Variants in SHLD1 observed in about 807,000 individuals in gnomAD.
The protein encoded by SHLD1 is RINN1-REV7-interacting novel NHEJ regulator 3.
A neutral mutation model predicts 5.5 loss-of-function variants in SHLD1; 3 were observed. The ratio of observed to expected loss-of-function variants is 0.54; its 90% CI spans 0.25 to 1.40. The LOEUF (loss-of-function observed/expected upper bound fraction) is 1.40, where lower values mean the gene tolerates loss of function less well. Among genes scored for constraint, SHLD1 ranks in the 40% most tolerant of loss-of-function variants. The pLI, the probability that SHLD1 is intolerant of heterozygous loss-of-function variation, is 0.15. For synonymous variants in SHLD1, 92 were observed against 94.3 expected (o/e 0.98, Z 0.14); for missense variants, 210 against 244.4 (o/e 0.86, Z 0.94).
intron 1 of SHLD1, 80 bp downstream of exon 1, chr20:5,750,559 A>G (rs1232941740): frequency 6.6e-6 from 1 of 151,042 alleles, no homozygotes; most frequent in African/African-American, 2.4e-5. Context: ...TTCTCTCTCA[A>G]TTAGGAAGTT....
At chr20:5,848,604 A>C (rs1485496870) in intron 2 of SHLD1, among the ~76,000 whole-genome samples, 2 of 152,242 alleles carry the variant, frequency 1.3e-5, no homozygotes, top group Non-Finnish European at 2.9e-5. Flanking sequence ...TGAAGCAAAT[A>C]GGACAATGTG....
chr20:5,813,420 G>A (rs960373965), intron 2 of SHLD1, among the ~76,000 whole-genome samples: 5 of 152,188 alleles, frequency 3.3e-5, no homozygotes, highest in African/African-American at 1.2e-4. Context: ...AACCCAGGAG[G>A]TGGAGGTGCA....
chr20:5,765,769 CTTTTTTTTTTTTT>C (rs756234026), intron 1 of SHLD1, among the ~76,000 whole-genome samples: 4 of 62,074 alleles, frequency 6.4e-5, no homozygotes, highest in Admixed American at 2.8e-4. Context: ...CGCACAAATC[CTTTTTTTTTTTTT>C]TTTTTTTTTT....
chr20:5,820,071 C>T (rs1403635243), intron 2 of SHLD1, among the ~76,000 whole-genome samples: 1 of 152,210 alleles, frequency 6.6e-6, no homozygotes, highest in East Asian at 1.9e-4. Flanking sequence ...CCTCAGCCTC[C>T]CCAGTAGCTG....
chr20:5,804,329 A>C (rs2087342444), intron 2 of SHLD1, among the ~76,000 whole-genome samples: 1 of 134,224 alleles, frequency 7.5e-6, no homozygotes, highest in Non-Finnish European at 1.6e-5. Flanking sequence ...ACTGTAAGAC[A>C]TTTGTATATC....
chr20:5,775,124 G>A (rs1985365093), intron 2 of SHLD1, among the ~76,000 whole-genome samples: 1 of 152,056 alleles, frequency 6.6e-6, no homozygotes, highest in African/African-American at 2.4e-5. Flanking sequence ...CTGCAGCCTT[G>A]AACTCCTGAG....
intron 2 of SHLD1, among the ~76,000 whole-genome samples, chr20:5,778,761 C>T (rs1309255042): frequency 1.3e-5 from 2 of 152,168 alleles, no homozygotes; most frequent in African/African-American, 4.8e-5. Flanking sequence ...TAGTAGATCA[C>T]CCTAAGCAGA....
intron 2 of SHLD1, among the ~76,000 whole-genome samples, chr20:5,850,347 T>C (rs1408027096): frequency 6.6e-6 from 1 of 151,746 alleles, no homozygotes; most frequent in African/African-American, 2.4e-5. Flanking sequence ...TCTTCCTCTC[T>C]TGTAAGGATT....
intron 1 of SHLD1, among the ~76,000 whole-genome samples, chr20:5,769,985 C>G (rs190251004): frequency 5.9e-4 from 56 of 95,396 alleles, no homozygotes; most frequent in African/African-American, 2.2e-3. Context: ...GCCTGGGCAA[C>G]AAGAGTGAAA....
chr20:5,823,644 C>T (rs1487206909), intron 2 of SHLD1, among the ~76,000 whole-genome samples: 3 of 151,902 alleles, frequency 2.0e-5, no homozygotes, highest in Non-Finnish European at 2.9e-5. Flanking sequence ...GACAGGGTTT[C>T]ACCATGTTGG....
intron 2 of SHLD1, among the ~76,000 whole-genome samples, chr20:5,805,640 T>A (rs1343330814): frequency 2.0e-5 from 3 of 149,206 alleles, no homozygotes; most frequent in Non-Finnish European, 3.0e-5. Context: ...TTGCTGTGTT[T>A]CCCAGGCTGG....
chr20:5,821,453 A>G (rs1379265746), intron 2 of SHLD1, among the ~76,000 whole-genome samples: 4 of 152,194 alleles, frequency 2.6e-5, no homozygotes, highest in African/African-American at 7.2e-5. Context: ...CGGAGGTTGC[A>G]GTGAGCTGAG....
rs576795107 is a variant in SHLD1, at chr20:5,789,004, C to T, written c.178+15961C>T. 1.1e-3 allele frequency among the ~76,000 whole-genome samples: 163 copies of T among 152,096 alleles called. 1 individual carries two copies. Among genetic ancestry groups the T allele is most frequent in the African/African-American group, 3.6e-3 (149 of 41,510 alleles). ...AAAAAATTATCTGGGCATAGTGGCA[C>T]GCACCTGTAATCCCAGCTACTTGGG... is the stretch of plus-strand genomic sequence containing the variant. On this transcript the variant is annotated intron_variant, in intron 2 of 2. Transcript: ENST00000303142.
chr20:5,775,291 C>T (rs1180635318), intron 2 of SHLD1, among the ~76,000 whole-genome samples: 2 of 152,126 alleles, frequency 1.3e-5, no homozygotes, highest in African/African-American at 4.8e-5. Context: ...GATCCTCCCA[C>T]CATGGCCTCC....
At chr20:5,845,261 G>C (rs6053739) in intron 2 of SHLD1, among the ~76,000 whole-genome samples, 11 of 152,304 alleles carry the variant, frequency 7.2e-5, no homozygotes, top group African/African-American at 2.6e-4. Context: ...CATGTGCTGG[G>C]CTTCCTGCTA....
intron 1 of SHLD1, among the ~76,000 whole-genome samples, chr20:5,755,102 T>G (rs6116938): frequency 0.046 from 6,903 of 149,506 alleles, 541 homozygotes; most frequent in African/African-American, 0.16. Context: ...GTTAAGGGGG[T>G]TTGTGGGAGC....
intron 2 of SHLD1, among the ~76,000 whole-genome samples, chr20:5,846,205 T>G (rs966332759): frequency 6.6e-6 from 1 of 152,206 alleles, no homozygotes; most frequent in Non-Finnish European, 1.5e-5. Flanking sequence ...ATTGACTTGT[T>G]GATTTGGACA....
intron 1 of SHLD1, 130 bp from the exon 2 acceptor site, chr20:5,772,732 T>G (rs1985232442): frequency 2.3e-6 from 2 of 879,618 alleles, no homozygotes; most frequent in Non-Finnish European, 3.3e-6. Flanking sequence ...GGCAACTTAG[T>G]GAGACCTGAT....
intron 1 of SHLD1, among the ~76,000 whole-genome samples, chr20:5,764,548 AT>A (rs1984716538): frequency 6.7e-6 from 1 of 149,486 alleles, no homozygotes; most frequent in African/African-American, 2.5e-5. Flanking sequence ...AAAAAAAAAA[AT>A]TTTGCCAAGT....
Sources: gnomAD v4.1 joint callset for allele counts (sites outside exome capture counted in the v4.1 genomes callset) on GRCh38, gnomAD v4.1.1 for gene constraint, MANE v1.5 for transcripts, NCBI Gene and HGNC (gene_info 2026-07-23, HGNC 2026-07-21) for gene names.